The following PPP3CC variants were observed in gnomAD, a reference collection of about 807,000 sequenced individuals.
PPP3CC encodes protein phosphatase 3 catalytic subunit gamma, also known as serine/threonine-protein phosphatase 2B catalytic subunit gamma isoform.
In PPP3CC, 35 loss-of-function variants were observed where a neutral mutation model predicts 60.3. The ratio of observed to expected loss-of-function variants is 0.58; its 90% confidence interval spans 0.44 to 0.77. The LOEUF (loss-of-function observed/expected upper bound fraction) is 0.77. Ranked by LOEUF, PPP3CC falls within the 30% of genes least tolerant of loss-of-function variation. The probability of loss-of-function intolerance (pLI) is 0.00; values close to 1 mark genes in which losing one functional copy is unlikely to be tolerated. For synonymous variants in PPP3CC, 206 were observed against 224.3 expected (o/e 0.92, Z 0.73); for missense variants, 570 against 628.9 (o/e 0.91, Z 1.00).
intron 3 of PPP3CC, among the ~76,000 whole-genome samples, chr8:22,483,373 G>A (rs942549689): frequency 1.3e-5 from 2 of 152,182 alleles, no homozygotes; most frequent in Middle Eastern, 3.4e-3. Context: ...TGCAGGCTCC[G>A]CCTCCAGGGT....
chr8:22,472,322 T>G (rs980083424), intron 1 of PPP3CC, among the ~76,000 whole-genome samples: 2 of 150,456 alleles, frequency 1.3e-5, no homozygotes, highest in African/African-American at 4.9e-5. Flanking sequence ...TTTAAAAAGT[T>G]TAAATTTTTT....
rs1839074979 is a variant in PPP3CC at position 22,511,142 on chromosome 8, C to G, written c.541C>G (p.Leu181Val). The G allele has an allele frequency of 1.2e-6, 2 of 1,613,830 alleles. No homozygotes were observed. The highest frequency in any genetic ancestry group is 8.5e-7 in the Non-Finnish European group (1 of 1,179,842). Reference sequence around the variant, plus strand: ...TGCCTGTATGGAGACATTTGACTGTCTTCCTCTTGCTGCCCTCTTAAACCA... The same window carrying G: ...TGCCTGTATGGAGACATTTGACTGTGTTCCTCTTGCTGCCCTCTTAAACCA... ...YDACMETFDC[L>V]PLAALLNQQF... Residue 181 changes from leucine (L) to valine (V), a missense_variant, in exon 5 of 14, where the codon CTT (leucine) becomes GTT (valine). Coordinates refer to ENST00000240139, the MANE Select transcript of PPP3CC (RefSeq NM_005605.5).
intron 3 of PPP3CC, among the ~76,000 whole-genome samples, chr8:22,479,814 T>C (rs1305973741): frequency 6.6e-6 from 1 of 151,906 alleles, no homozygotes; most frequent in African/African-American, 2.4e-5. Flanking sequence ...GAGCGGGCTT[T>C]GGTATGTCTG....
In PPP3CC at chr8:22,540,962, T is replaced by C; in HGVS notation, c.*160T>C. ...TGTAAAAAGGTGGCTGTTTTATAAA[T>C]TCTTTTAATTTATGTTCAATATATA... On this transcript the variant is annotated 3_prime_UTR_variant, in exon 14 of 14. Transcript: ENST00000240139. 1 of 590,158 alleles carries C rather than the reference T, an allele frequency of 1.7e-6. No individual in the cohort carries two copies. Among genetic ancestry groups the C allele is most frequent in the Non-Finnish European group, 2.6e-6 (1 of 383,516 alleles). The allele number at this position is 590,158 out of a possible 1,614,324, so 36.6% of individuals were successfully genotyped here.
At chr8:22,470,928 A>G (rs1382133880) in intron 1 of PPP3CC, among the ~76,000 whole-genome samples, 3 of 152,296 alleles carry the variant, frequency 2.0e-5, no homozygotes, top group African/African-American at 7.2e-5. Flanking sequence ...ATGTCCACCA[A>G]AGCACACATA....
intron 3 of PPP3CC, among the ~76,000 whole-genome samples, chr8:22,496,848 T>A (rs1320708478): frequency 6.6e-6 from 1 of 152,146 alleles, no homozygotes; most frequent in Admixed American, 6.5e-5. Context: ...ACAAGGGATG[T>A]CTTTCCATTA....
At chr8:22,487,990 T>G (rs1204222450) in intron 3 of PPP3CC, among the ~76,000 whole-genome samples, 1 of 152,168 alleles carries the variant, frequency 6.6e-6, no homozygotes, top group Non-Finnish European at 1.5e-5. Flanking sequence ...TGCATCCTGA[T>G]GTATAAAATA....
intron 1 of PPP3CC, among the ~76,000 whole-genome samples, chr8:22,465,745 G>A (rs547908861): frequency 1.3e-5 from 2 of 152,086 alleles, no homozygotes; most frequent in Non-Finnish European, 2.9e-5. Context: ...ATAATATTTT[G>A]TCATAGCAAC....
chr8:22,447,757 T>C (rs1202512529), intron 1 of PPP3CC, among the ~76,000 whole-genome samples: 4 of 152,200 alleles, frequency 2.6e-5, no homozygotes, highest in Non-Finnish European at 1.5e-5. Flanking sequence ...AGAGAGAACT[T>C]TTAGTTCCCC....
intron 1 of PPP3CC, among the ~76,000 whole-genome samples, chr8:22,452,417 C>T (rs967927152): frequency 1.3e-5 from 2 of 152,084 alleles, no homozygotes. Context: ...GAAGCTTTTT[C>T]TTCTCTGCTA....
chr8:22,492,292 A>T (rs1176149718), intron 3 of PPP3CC, among the ~76,000 whole-genome samples: 1 of 152,170 alleles, frequency 6.6e-6, no homozygotes, highest in Non-Finnish European at 1.5e-5. Context: ...CTTATCATGA[A>T]TGGATTGTAC....
chr8:22,497,157 G>A (rs1415675658), intron 3 of PPP3CC, among the ~76,000 whole-genome samples: 1 of 152,134 alleles, frequency 6.6e-6, no homozygotes. Flanking sequence ...AGCCTCCCGA[G>A]TAGCTGGGGT....
At chr8:22,518,770 T>C (rs2117110293) in intron 6 of PPP3CC, among the ~76,000 whole-genome samples, 1 of 152,290 alleles carries the variant, frequency 6.6e-6, no homozygotes, top group East Asian at 1.9e-4. Context: ...CACTGCAACC[T>C]CCGCTTCCTG....
chr8:22,484,819 T>G (rs1413401571), intron 3 of PPP3CC, among the ~76,000 whole-genome samples: 2 of 152,236 alleles, frequency 1.3e-5, no homozygotes, highest in African/African-American at 4.8e-5. Flanking sequence ...AGTGTTTTAC[T>G]TAAATGGTCA....
intron 6 of PPP3CC, among the ~76,000 whole-genome samples, chr8:22,521,959 G>A (rs113384196): frequency 0.048 from 5,862 of 122,668 alleles, 280 homozygotes; most frequent in African/African-American, 0.13. Flanking sequence ...GCAAGACTCC[G>A]TCTCAAAAAA....
At chr8:22,450,790 C>T (rs114571139) in intron 1 of PPP3CC, among the ~76,000 whole-genome samples, 2 of 150,602 alleles carry the variant, frequency 1.3e-5, no homozygotes, top group African/African-American at 4.9e-5. Context: ...CATCCCCAAC[C>T]TACTTTATTT....
chr8:22,493,127 T>C (rs1263222151), intron 3 of PPP3CC: 2 of 1,552,034 alleles, frequency 1.3e-6, no homozygotes, highest in Middle Eastern at 2.3e-4. Context: ...TTGAGTCAAC[T>C]TCTGAAGATA....
Position 22,455,122 on chromosome 8 carries a change from AT to A in PPP3CC, c.49+13668del, listed in dbSNP as rs1837158056. ...AATGCTTAAGAAGAAAAATGATGAA[AT>A]TTTCCTTTTCTATAGTATAGATAGA... On this transcript the variant is annotated intron_variant, in intron 1 of 13. Transcript: ENST00000240139. 2.0e-5 allele frequency among the ~76,000 whole-genome samples: 3 copies of A among 151,842 alleles called. No individual in the cohort carries two copies. The South Asian group carries it at 6.2e-4, about 32-fold the overall frequency.
At chr8:22,497,743 C>T (rs1386976468) in intron 3 of PPP3CC, among the ~76,000 whole-genome samples, 6 of 152,080 alleles carry the variant, frequency 3.9e-5, no homozygotes, top group East Asian at 1.9e-4. Flanking sequence ...ACAGGTTTTA[C>T]GACTAATATA....
Sources: gnomAD v4.1 joint callset for allele counts (sites outside exome capture counted in the v4.1 genomes callset) on GRCh38, gnomAD v4.1.1 for gene constraint, MANE v1.5 for transcripts, NCBI Gene and HGNC (gene_info 2026-07-23, HGNC 2026-07-21) for gene names.